Variants in MAPRE2 observed in about 807,000 individuals in gnomAD.
MAPRE2 encodes microtubule-associated protein RP/EB family member 2.
In MAPRE2, 13 loss-of-function variants were observed where a neutral mutation model predicts 43.2. The ratio of observed to expected loss-of-function variants is 0.30; its 90% confidence interval spans 0.20 to 0.48. The LOEUF is 0.48. Among genes scored for constraint, MAPRE2 ranks in the 20% least tolerant of loss-of-function variants. MAPRE2 has a pLI of 0.99. For missense variants in MAPRE2, 161 were observed against 400.2 expected, an observed-to-expected ratio of 0.40 and a Z score of 5.10; for synonymous variants, 135 against 148.8, an observed-to-expected ratio of 0.91 and a Z score of 0.68.
intron 1 of MAPRE2, 55 bp from the exon 2 acceptor site, chr18:35,070,138 CTT>C: frequency 6.6e-7 from 1 of 1,514,430 alleles, no homozygotes; most frequent in South Asian, 1.3e-5. Context: ...GAATAGGTAT[CTT>C]TTGTGTTTCT....
intron 6 of MAPRE2, among the ~76,000 whole-genome samples, chr18:35,134,612 A>G (rs950608262): frequency 6.6e-6 from 1 of 152,214 alleles, no homozygotes; most frequent in African/African-American, 2.4e-5. Flanking sequence ...ACATAGTACT[A>G]GTTGGGGAAA....
At chr18:35,121,053 C>G (rs1488631146) in intron 4 of MAPRE2, among the ~76,000 whole-genome samples, 1 of 152,196 alleles carries the variant, frequency 6.6e-6, no homozygotes, top group Admixed American at 6.5e-5. Flanking sequence ...TTTATCTCCT[C>G]TGTTTATGAC....
intron 2 of MAPRE2, among the ~76,000 whole-genome samples, chr18:35,022,253 T>A (rs556939964): frequency 7.9e-5 from 12 of 152,276 alleles, no homozygotes; most frequent in Admixed American, 6.5e-4. Context: ...AGAATCCAAT[T>A]ACAAGAAGTA....
chr18:35,032,245 A>G (rs561384565), intron 2 of MAPRE2, among the ~76,000 whole-genome samples: 67 of 152,314 alleles, frequency 4.4e-4, no homozygotes, highest in African/African-American at 1.6e-3. Flanking sequence ...TTGAGGTGAT[A>G]ATGATCTAAG....
intron 4 of MAPRE2, among the ~76,000 whole-genome samples, chr18:35,110,430 A>T (rs1909126354): frequency 6.6e-6 from 1 of 152,114 alleles, no homozygotes; most frequent in Non-Finnish European, 1.5e-5. Context: ...CTACTAGAAA[A>T]CTTATGTGGT....
intron 1 of MAPRE2, among the ~76,000 whole-genome samples, chr18:35,061,986 G>A (rs1392071114): frequency 3.3e-5 from 5 of 152,152 alleles, no homozygotes; most frequent in Non-Finnish European, 7.3e-5. Context: ...GATGAAAAGC[G>A]GGATATTTCT....
At chr18:35,032,764 G>C (rs903982719) in intron 2 of MAPRE2, among the ~76,000 whole-genome samples, 1 of 151,962 alleles carries the variant, frequency 6.6e-6, no homozygotes, top group African/African-American at 2.4e-5. Context: ...TAGAAATCCA[G>C]CTCTCCAAAC....
intron 1 of MAPRE2, among the ~76,000 whole-genome samples, chr18:35,069,150 A>C (rs542528643): frequency 1.3e-5 from 2 of 152,340 alleles, no homozygotes; most frequent in East Asian, 3.9e-4. Context: ...TGTGGAAACT[A>C]TCAGACAACC....
upstream of MAPRE2, chr18:35,041,281 G>T: frequency 7.3e-7 from 1 of 1,370,928 alleles, no homozygotes; most frequent in East Asian, 2.9e-5. Context: ...TGTGCGAATT[G>T]AGGCGAGGTG....
intron 2 of MAPRE2, among the ~76,000 whole-genome samples, chr18:35,095,686 G>A (rs764272877): frequency 5.3e-5 from 8 of 152,146 alleles, no homozygotes; most frequent in Non-Finnish European, 8.8e-5. Context: ...TAATGAGGCA[G>A]TTGTGTTTCA....
rs1387135387 is a variant in MAPRE2, at chr18:35,071,323, G to T, written c.250+1001G>T. Among the ~76,000 whole-genome samples, 14 of 152,300 alleles carry T rather than the reference G, an allele frequency of 9.2e-5. No individual in the cohort carries two copies. The East Asian group carries it at 2.3e-3, about 25-fold the overall frequency. ...TTGAGCCCAGGAGTTTGAGGCTGTG[G>T]TGAGCTATGATTGTACCACTGCCCA... On this transcript the variant is annotated intron_variant, in intron 2 of 6. Transcript: ENST00000300249.
chr18:35,066,933 A>G (rs1199592088), intron 1 of MAPRE2, among the ~76,000 whole-genome samples: 2 of 152,214 alleles, frequency 1.3e-5, no homozygotes, highest in Admixed American at 1.3e-4. Flanking sequence ...ATAGAAATTA[A>G]CTATATTGAT....
intron 4 of MAPRE2, among the ~76,000 whole-genome samples, chr18:35,105,556 A>G (rs1386012419): frequency 6.6e-6 from 1 of 152,134 alleles, no homozygotes. Context: ...AATATAAGCC[A>G]AAATGTCTTC....
chr18:34,985,284 T>TATATAATATA, intron 1 of MAPRE2, among the ~76,000 whole-genome samples: 1 of 32,494 alleles, frequency 3.1e-5, no homozygotes, highest in African/African-American at 1.6e-4. Context: ...TATAATATAT[T>TATATAATATA]ATATATTATA....
intron 1 of MAPRE2, among the ~76,000 whole-genome samples, chr18:34,995,047 A>T (rs1200853020): frequency 6.6e-6 from 1 of 152,220 alleles, no homozygotes; most frequent in African/African-American, 2.4e-5. Flanking sequence ...TGGGTTTTAA[A>T]AACTTAGGTA....
At chr18:35,058,189 G>A (rs570537196) in intron 1 of MAPRE2, among the ~76,000 whole-genome samples, 1 of 152,300 alleles carries the variant, frequency 6.6e-6, no homozygotes, top group South Asian at 2.1e-4. Flanking sequence ...ATGGCTGGGG[G>A]CATAAGGATG....
chr18:35,088,540 G>T (rs1470864100), intron 2 of MAPRE2, among the ~76,000 whole-genome samples: 1 of 152,164 alleles, frequency 6.6e-6, no homozygotes, highest in Non-Finnish European at 1.5e-5. Context: ...CTGAATAAGG[G>T]TAACCGTGGC....
intron 1 of MAPRE2, among the ~76,000 whole-genome samples, chr18:34,997,270 T>C (rs1436388402): frequency 6.6e-6 from 1 of 152,188 alleles, no homozygotes; most frequent in Admixed American, 6.5e-5. Context: ...TTAAACTTTA[T>C]GGACAAAATC....
intron 2 of MAPRE2, among the ~76,000 whole-genome samples, chr18:35,031,585 G>A (rs954676153): frequency 5.9e-5 from 9 of 152,134 alleles, no homozygotes; most frequent in African/African-American, 2.2e-4. Context: ...TGTTCTATGA[G>A]TTATTCTACA....
Sources: allele counts gnomAD v4.1 joint callset (sites outside exome capture counted in the v4.1 genomes callset), GRCh38; gene constraint gnomAD v4.1.1; transcripts MANE v1.5; gene names NCBI Gene and HGNC (gene_info 2026-07-23, HGNC 2026-07-21).